KCNIP4: variants seen among roughly 807,000 people sequenced by gnomAD.
KCNIP4 encodes Kv channel-interacting protein 4.
In KCNIP4, 12 loss-of-function variants were observed where a neutral mutation model predicts 34.0. That is an observed-to-expected ratio of 0.35 (90% CI 0.23 to 0.57). KCNIP4 has a LOEUF of 0.57. Ranked by LOEUF, KCNIP4 falls within the 20% of genes least tolerant of loss-of-function variation. The pLI, the probability that KCNIP4 is intolerant of heterozygous loss-of-function variation, is 0.83. For missense variants in KCNIP4, 238 were observed against 311.7 expected (o/e 0.76, Z 1.78); for synonymous variants, 124 against 102.2 (o/e 1.21, Z -1.29).
chr4:20,880,222 G>A (rs368131990), intron 2 of KCNIP4, among the ~76,000 whole-genome samples: 15 of 152,212 alleles, frequency 9.9e-5, no homozygotes, highest in Admixed American at 2.0e-4. Flanking sequence ...TGTGTGTGGC[G>A]TGCACGTGTG....
chr4:21,711,462 C>T (rs1169748310), intron 1 of KCNIP4, among the ~76,000 whole-genome samples: 1 of 151,358 alleles, frequency 6.6e-6, no homozygotes, highest in Non-Finnish European at 1.5e-5. Flanking sequence ...AGCCTGGTGA[C>T]AGAGCGAGAC....
chr4:20,888,199 G>C (rs907454731), intron 1 of KCNIP4, among the ~76,000 whole-genome samples: 3 of 151,816 alleles, frequency 2.0e-5, no homozygotes, highest in Admixed American at 6.6e-5. Flanking sequence ...AAAGTAGAAG[G>C]GATGAGTAGA....
intron 1 of KCNIP4, among the ~76,000 whole-genome samples, chr4:20,950,432 C>G (rs1347526855): frequency 3.3e-5 from 5 of 152,042 alleles, no homozygotes; most frequent in African/African-American, 9.7e-5. Context: ...TTTTCCTGGG[C>G]AGAATGAATA....
chr4:21,064,510 T>C (rs1442506397), intron 1 of KCNIP4, among the ~76,000 whole-genome samples: 1 of 152,144 alleles, frequency 6.6e-6, no homozygotes, highest in Non-Finnish European at 1.5e-5. Flanking sequence ...ATTTTACCAA[T>C]TCTGTGGTTT....
At chr4:21,174,120 C>T (rs1373152762) in intron 1 of KCNIP4, among the ~76,000 whole-genome samples, 1 of 152,076 alleles carries the variant, frequency 6.6e-6, no homozygotes, top group Non-Finnish European at 1.5e-5. Flanking sequence ...GCTCTGTTGT[C>T]CAGACAATGG....
intron 1 of KCNIP4, among the ~76,000 whole-genome samples, chr4:21,467,073 A>AAC (rs33937973): frequency 0.05 from 6,996 of 139,464 alleles, 226 homozygotes; most frequent in Middle Eastern, 0.11. Context: ...AACCAAAACA[A>AAC]ACACACACAC....
At chr4:21,456,511 T>C (rs1314877618) in intron 1 of KCNIP4, among the ~76,000 whole-genome samples, 2 of 148,288 alleles carry the variant, frequency 1.3e-5, no homozygotes, top group East Asian at 3.9e-4. Flanking sequence ...ATCAACTTAT[T>C]TTTTATGTCT....
intron 1 of KCNIP4, among the ~76,000 whole-genome samples, chr4:21,021,184 C>A (rs189142842): frequency 6.6e-6 from 1 of 152,110 alleles, no homozygotes; most frequent in Non-Finnish European, 1.5e-5. Context: ...TTTTAACATA[C>A]CTGAACATAG....
chr4:20,918,423 T>C (rs1729054053), intron 1 of KCNIP4, among the ~76,000 whole-genome samples: 1 of 152,210 alleles, frequency 6.6e-6, no homozygotes, highest in African/African-American at 2.4e-5. Context: ...GATCCAAGTC[T>C]AGATGGTGTG....
At position 21,489,084 on chromosome 4, in the gene KCNIP4, GAC is replaced by G. The variant is rs745452232; in HGVS notation, c.61+459485_61+459486del. On this transcript the variant is annotated intron_variant, in intron 1 of 8. Transcript: ENST00000382152. ...AGAAGCCTTCTGAGATAGCCTTTTA[GAC>G]ACAGCACAATAGAATGTTCATATGA... is the stretch of plus-strand genomic sequence containing the variant. 5.3e-5 allele frequency among the ~76,000 whole-genome samples: 8 copies of G among 152,154 alleles called. No homozygotes were observed. In the South Asian group the frequency reaches 1.0e-3, roughly 20 times the overall value.
chr4:20,986,968 C>A (rs140175247), intron 1 of KCNIP4, among the ~76,000 whole-genome samples: 8 of 152,272 alleles, frequency 5.3e-5, no homozygotes, highest in African/African-American at 1.9e-4. Flanking sequence ...CGGATCGAAT[C>A]TGCTGGCTCC....
intron 1 of KCNIP4, among the ~76,000 whole-genome samples, chr4:21,452,354 G>A (rs1426175867): frequency 6.6e-6 from 1 of 152,072 alleles, no homozygotes; most frequent in East Asian, 1.9e-4. Context: ...AAGAATCTTG[G>A]AGAGTAAAGG....
intron 1 of KCNIP4, among the ~76,000 whole-genome samples, chr4:21,547,961 C>T (rs1186565772): frequency 6.6e-6 from 1 of 152,092 alleles, no homozygotes; most frequent in Non-Finnish European, 1.5e-5. Context: ...ATCTCAACCA[C>T]CCATGTGGAC....
chr4:20,776,541 T>C (rs898257375), intron 3 of KCNIP4, among the ~76,000 whole-genome samples: 11 of 152,280 alleles, frequency 7.2e-5, no homozygotes, highest in Admixed American at 5.2e-4. Context: ...CATATGAAAA[T>C]AGATGATTTT....
At chr4:21,351,686 G>T (rs1206229751) in intron 1 of KCNIP4, among the ~76,000 whole-genome samples, 1 of 152,112 alleles carries the variant, frequency 6.6e-6, no homozygotes, top group Non-Finnish European at 1.5e-5. Flanking sequence ...AATATGGTTG[G>T]TGTCCTTATA....
chr4:21,821,229 T>C (rs894224338), intron 1 of KCNIP4, among the ~76,000 whole-genome samples: 1 of 152,142 alleles, frequency 6.6e-6, no homozygotes, highest in Admixed American at 6.6e-5. Flanking sequence ...CTTGTATGTC[T>C]TGACCCACCC....
chr4:21,762,779 AC>A (rs1718146967), intron 1 of KCNIP4: 1 of 477,956 alleles, frequency 2.1e-6, no homozygotes, highest in Admixed American at 4.0e-5. Flanking sequence ...AGTCATCAAA[AC>A]CATCTTCCAG....
chr4:21,553,123 T>C (rs1391374632), intron 1 of KCNIP4, among the ~76,000 whole-genome samples: 3 of 135,566 alleles, frequency 2.2e-5, no homozygotes, highest in Non-Finnish European at 3.1e-5. Flanking sequence ...GCCTAGAAAA[T>C]AACATCTGAA....
At chr4:21,218,476 C>T (rs1757768368) in intron 1 of KCNIP4, among the ~76,000 whole-genome samples, 1 of 152,004 alleles carries the variant, frequency 6.6e-6, no homozygotes, top group South Asian at 2.1e-4. Flanking sequence ...CTAGATAAAA[C>T]TTGGCATATT....
Sources: allele counts gnomAD v4.1 joint callset (sites outside exome capture counted in the v4.1 genomes callset), GRCh38; gene constraint gnomAD v4.1.1; transcripts MANE v1.5; gene names NCBI Gene and HGNC (gene_info 2026-07-23, HGNC 2026-07-21).